PIK3CA: variants seen among roughly 807,000 people sequenced by gnomAD.
PIK3CA encodes the protein phosphatidylinositol-4,5-bisphosphate 3-kinase catalytic subunit alpha, also known as phosphatidylinositol 4,5-bisphosphate 3-kinase catalytic subunit alpha isoform.
PIK3CA carries 27 observed loss-of-function variants against 138.2 expected under a neutral mutation model. The ratio of observed to expected loss-of-function variants is 0.20; its 90% CI spans 0.14 to 0.27. PIK3CA has a LOEUF of 0.27. Ranked by LOEUF, PIK3CA falls within the 10% of genes least tolerant of loss-of-function variation. The probability of loss-of-function intolerance (pLI) is 1.00; values close to 1 mark genes in which losing one functional copy is unlikely to be tolerated. For synonymous variants in PIK3CA, 358 were observed against 413.2 expected, an observed-to-expected ratio of 0.87 and a Z score of 1.62; for missense variants, 544 against 1,277.4, an observed-to-expected ratio of 0.43 and a Z score of 8.75.
Position 179,159,262 on chromosome 3 carries a change from C to T in PIK3CA, c.-77+10659C>T, listed in dbSNP as rs887375214. On this transcript the variant is annotated intron_variant, in intron 1 of 20. Coordinates refer to ENST00000263967, the MANE Select transcript of PIK3CA (RefSeq NM_006218.4). ...TATGTACAATGAAAAAATAACATGA[C>T]ATTGGATTGCCCTGGGGCTGACCAA... Among the ~76,000 whole-genome samples the T allele has an allele frequency of 1.7e-4, 26 of 152,262 alleles. 1 individual carries two copies. The highest frequency in any genetic ancestry group is 6.2e-4 in the South Asian group (3 of 4,830).
chr3:179,206,086 CTTTTTTTTTTTT>C (rs751353057), intron 6 of PIK3CA, among the ~76,000 whole-genome samples: 1 of 105,172 alleles, frequency 9.5e-6, no homozygotes, highest in African/African-American at 3.8e-5. Context: ...ACTTCAGGAT[CTTTTTTTTTTTT>C]TTTTTTTTTT....
At position 179,230,082 on chromosome 3, in the gene PIK3CA, T is replaced by C; in HGVS notation, c.2745T>C (p.Asp915=). Residue 915 remains aspartate (D), a synonymous_variant, in exon 19 of 21, where the codon GAT becomes GAC. Transcript: ENST00000263967. The surrounding 1 kb of genome is among the most constrained non-coding windows in gnomAD (Gnocchi z 5.4). ...CVATFILGIG[D]RHNSNIMVKD... is the part of the protein sequence containing the mutation. The stretch of plus-strand genomic sequence containing the variant: ...CTACCTTCATTTTGGGAATTGGAGA[T>C]CGTCACAATAGTAACATCATGGTGA... 1 of 1,613,230 alleles carries C rather than the reference T, an allele frequency of 6.2e-7. No homozygotes were observed. The highest frequency in any genetic ancestry group is 2.2e-5 in the East Asian group (1 of 44,856).
chr3:179,160,975 G>C (rs1162617013), intron 1 of PIK3CA, among the ~76,000 whole-genome samples: 1 of 152,090 alleles, frequency 6.6e-6, no homozygotes, highest in East Asian at 1.9e-4. Flanking sequence ...TACTATTATG[G>C]TTCTGATCTA....
At chr3:179,205,191 G>A (rs1461627994) in intron 6 of PIK3CA, among the ~76,000 whole-genome samples, 1 of 151,772 alleles carries the variant, frequency 6.6e-6, no homozygotes, top group East Asian at 1.9e-4. Flanking sequence ...TCCAGCATTA[G>A]TGAGACCTGA....
chr3:179,201,625 T>TTTTTTTTTTG (rs1724412572), intron 4 of PIK3CA, 85 bp downstream of exon 4: 1 of 886,726 alleles, frequency 1.1e-6, no homozygotes. Context: ...TTTTTTTTTT[T>TTTTTTTTTTG]GAGACGGAAT....
chr3:179,200,481 A>G lies in PIK3CA; in HGVS notation c.562+582A>G, dbSNP rs78478872. 1.2e-4 allele frequency among the ~76,000 whole-genome samples: 18 copies of G among 152,222 alleles called. No individual in the cohort carries two copies. In the East Asian group the frequency reaches 3.5e-3, roughly 29 times the overall value. On this transcript the variant is annotated intron_variant, in intron 3 of 20. Transcript: ENST00000263967. ...CTATATTTTTCAGGGTAACAGTAAA[A>G]TTATCAATTTGAGTTAACTCTCACA...
intron 1 of PIK3CA, among the ~76,000 whole-genome samples, chr3:179,170,015 T>C (rs556996688): frequency 1.3e-4 from 19 of 151,916 alleles, no homozygotes; most frequent in African/African-American, 4.1e-4. Flanking sequence ...CTGCCTCCCT[T>C]CCTCCCTCCC....
intron 16 of PIK3CA, 53 bp from the exon 17 acceptor site, chr3:179,225,909 C>A (rs2108419249): frequency 2.3e-6 from 2 of 882,500 alleles, no homozygotes; most frequent in Admixed American, 1.7e-5. Flanking sequence ...TGGCGTGATC[C>A]CCAAATTTGC....
At chr3:179,177,961 C>T (rs920652303) in intron 1 of PIK3CA, among the ~76,000 whole-genome samples, 4 of 151,456 alleles carry the variant, frequency 2.6e-5, no homozygotes, top group African/African-American at 9.7e-5. Context: ...CTCTGAAGGC[C>T]AGGTGTGGTG....
In PIK3CA at chr3:179,148,469, C is replaced by G. The variant is rs1216286361; in HGVS notation, c.-211C>G. ...AGGGCTCGGGCCCGGCCGGGCAGCTCCGGAGCGGCGGGGGAGAGGGGCCGG... is the reference window on the plus strand; with the variant it reads ...AGGGCTCGGGCCCGGCCGGGCAGCTGCGGAGCGGCGGGGGAGAGGGGCCGG... On this transcript the variant is annotated 5_prime_UTR_variant, in exon 1 of 21. Coordinates refer to ENST00000263967, the MANE Select transcript of PIK3CA (RefSeq NM_006218.4). The G allele has an allele frequency of 2.0e-5, 3 of 150,928 alleles. No individual in the cohort carries two copies. The East Asian group carries it at 5.9e-4, about 30-fold the overall frequency. 9.3% of individuals were successfully genotyped at this position (150,928 alleles called of 1,614,324 possible). A position where few individuals can be genotyped will look rare whatever the true frequency, so the allele number is the denominator to read the frequency against.
rs1431070178 is a variant in PIK3CA at position 179,219,930 on chromosome 3, T to C, written c.1912-19T>C. 1 of 1,604,912 alleles carries C rather than the reference T, an allele frequency of 6.2e-7. No homozygotes were observed. The highest frequency in any genetic ancestry group is 8.5e-7 in the Non-Finnish European group (1 of 1,176,918). On this transcript the variant is annotated intron_variant, in intron 12 of 20. Coordinates refer to ENST00000263967, the MANE Select transcript of PIK3CA (RefSeq NM_006218.4). The surrounding 1 kb of genome is among the most constrained non-coding windows in gnomAD (Gnocchi z 4.2). Reference sequence around the variant, plus strand: ...CCATGCAGAAACTGACCCTGATTTGTTTTTTTGGAATCACCTAGGTCCTAA... The same window carrying C: ...CCATGCAGAAACTGACCCTGATTTGCTTTTTTGGAATCACCTAGGTCCTAA...
chr3:179,179,466 G>C (rs925247010), intron 1 of PIK3CA, among the ~76,000 whole-genome samples: 28 of 152,186 alleles, frequency 1.8e-4, no homozygotes, highest in African/African-American at 6.8e-4. Context: ...TATAATTACA[G>C]AAACCAAAAT....
At chr3:179,172,942 C>T (rs1276687213) in intron 1 of PIK3CA, among the ~76,000 whole-genome samples, 1 of 151,988 alleles carries the variant, frequency 6.6e-6, no homozygotes, top group Non-Finnish European at 1.5e-5. Flanking sequence ...CAAAATAGTA[C>T]AGTATTAGCA....
chr3:179,174,513 C>T (rs1560128407), intron 1 of PIK3CA, among the ~76,000 whole-genome samples: 2 of 152,038 alleles, frequency 1.3e-5, no homozygotes, highest in South Asian at 2.1e-4. Flanking sequence ...ATCTCACTTC[C>T]CCCCCATTCC....
At chr3:179,167,899 A>G (rs1191322934) in intron 1 of PIK3CA, among the ~76,000 whole-genome samples, 8 of 152,066 alleles carry the variant, frequency 5.3e-5, no homozygotes, top group Non-Finnish European at 1.5e-5. Context: ...TATTGTGAAA[A>G]CCATAAAAAC....
rs756890248 is a variant in PIK3CA, at chr3:179,229,306, T to C, written c.2530T>C (p.Cys844Arg). The C allele has an allele frequency of 1.9e-6, 3 of 1,612,614 alleles. No individual in the cohort carries two copies. The highest frequency in any genetic ancestry group is 3.3e-5 in the Admixed American group (2 of 59,750). The stretch of plus-strand genomic sequence containing the variant: ...TTATGGTTGTCTGTCAATCGGTGAC[T>C]GTGTGGGACTTATTGAGGTGGTGCG... ...LPYGCLSIGD[C>R]VGLIEVVRNS... The change falls in exon 18 of 21, where the codon TGT (cysteine) becomes CGT (arginine). Residue 844 changes from cysteine to arginine, a missense_variant. Around this residue, in one of 14 missense-constraint regions of PIK3CA, gnomAD observed 72 missense variants for 271.8 expected, o/e 0.26. Coordinates refer to ENST00000263967, the MANE Select transcript of PIK3CA (RefSeq NM_006218.4).
chr3:179,202,034 A>G (rs993748871), intron 4 of PIK3CA, among the ~76,000 whole-genome samples: 31 of 152,042 alleles, frequency 2.0e-4, no homozygotes, highest in Non-Finnish European at 1.5e-5. Context: ...GCTCCCAAAT[A>G]TAGATATTCC....
At chr3:179,214,881 TA>T (rs1724801826) in intron 9 of PIK3CA, among the ~76,000 whole-genome samples, 1 of 152,234 alleles carries the variant, frequency 6.6e-6, no homozygotes, top group Non-Finnish European at 1.5e-5. Context: ...TCTAGTTGTC[TA>T]ATCTTGGCCA....
At chr3:179,185,665 G>A (rs181643541) in intron 1 of PIK3CA, among the ~76,000 whole-genome samples, 136 of 152,280 alleles carry the variant, frequency 8.9e-4, no homozygotes, top group African/African-American at 3.2e-3. Flanking sequence ...ATAAATCAGC[G>A]TTCCCATGAC....
Sources: gnomAD v4.1 joint callset for allele counts (sites outside exome capture counted in the v4.1 genomes callset) on GRCh38, gnomAD v4.1.1 for gene constraint, gnomAD v4.1.1 regional missense constraint, Gnocchi (gnomAD v3.1) non-coding constraint, MANE v1.5 for transcripts, NCBI Gene and HGNC (gene_info 2026-07-23, HGNC 2026-07-21) for gene names.